PRKN: variants seen among roughly 807,000 people sequenced by gnomAD.
PRKN encodes the protein E3 ubiquitin-protein ligase parkin.
In PRKN, 56 loss-of-function variants were observed where a neutral mutation model predicts 59.5. The observed-to-expected ratio is 0.94, with a 90% confidence interval of 0.76 to 1.18. PRKN has a LOEUF of 1.18. Ranked by LOEUF, PRKN falls within the 50% of genes most tolerant of loss-of-function variation. PRKN has a pLI of 0.00. For missense variants in PRKN, 657 were observed against 596.4 expected, an observed-to-expected ratio of 1.10 and a Z score of -1.06; for synonymous variants, 250 against 222.1, an observed-to-expected ratio of 1.13 and a Z score of -1.12.
At chr6:162,071,896 C>A (rs920425095) in intron 4 of PRKN, among the ~76,000 whole-genome samples, 1 of 152,094 alleles carries the variant, frequency 6.6e-6, no homozygotes, top group East Asian at 1.9e-4. Flanking sequence ...CGCACCCAAC[C>A]TATTTTACTT....
At chr6:162,218,636 T>A (rs572208998) in intron 3 of PRKN, among the ~76,000 whole-genome samples, 44 of 152,224 alleles carry the variant, frequency 2.9e-4, no homozygotes, top group African/African-American at 1.0e-3. Flanking sequence ...TTCATGAGAC[T>A]AAGGTATCAG....
intron 7 of PRKN, among the ~76,000 whole-genome samples, chr6:161,601,887 T>C (rs962631621): frequency 1.3e-5 from 2 of 152,174 alleles, no homozygotes; most frequent in African/African-American, 4.8e-5. Context: ...CGGCATATAG[T>C]GGATTTTAAG....
intron 6 of PRKN, among the ~76,000 whole-genome samples, chr6:161,873,455 G>A (rs1195114859): frequency 6.6e-6 from 1 of 151,900 alleles, no homozygotes; most frequent in Non-Finnish European, 1.5e-5. Flanking sequence ...TTTTCCTGAC[G>A]GGAACTAAAT....
intron 1 of PRKN, among the ~76,000 whole-genome samples, chr6:162,684,441 A>T (rs1779890046): frequency 6.6e-6 from 1 of 152,128 alleles, no homozygotes; most frequent in African/African-American, 2.4e-5. Context: ...TAGAGGTGGG[A>T]ATTTTATCAC....
chr6:162,338,039 G>C (rs1783928620), intron 2 of PRKN, among the ~76,000 whole-genome samples: 1 of 151,966 alleles, frequency 6.6e-6, no homozygotes, highest in African/African-American at 2.4e-5. Flanking sequence ...GATAAGTTTG[G>C]AACATGCATA....
intron 9 of PRKN, among the ~76,000 whole-genome samples, chr6:161,408,255 TA>T (rs1787366475): frequency 1.4e-5 from 2 of 147,816 alleles, no homozygotes; most frequent in African/African-American, 5.0e-5. Flanking sequence ...TGGTCATCAT[TA>T]AACATGGCGT....
Position 162,720,730 on chromosome 6 carries a change from G to A in PRKN, c.7+6932C>T, listed in dbSNP as rs187457333. On this transcript the variant is annotated intron_variant, in intron 1 of 11. Coordinates refer to ENST00000366898, the MANE Select transcript of PRKN (RefSeq NM_004562.3). ...CTCCCAAGGTGCTGGGATTACAGGC[G>A]TGAGCCACCGCGCCCGGCCCATAGA... 5.1e-3 allele frequency among the ~76,000 whole-genome samples: 769 copies of A among 152,180 alleles called. 10 individuals carry two copies. Among genetic ancestry groups the A allele is most frequent in the African/African-American group, 0.017 (709 of 41,542 alleles).
intron 1 of PRKN, among the ~76,000 whole-genome samples, chr6:162,536,158 A>G (rs893227778): frequency 3.3e-5 from 5 of 152,160 alleles, no homozygotes; most frequent in African/African-American, 1.2e-4. Context: ...AAATGGTTTC[A>G]GCCTATTTCC....
chr6:162,205,647 TA>T (rs1404061612), intron 3 of PRKN, among the ~76,000 whole-genome samples: 2 of 152,146 alleles, frequency 1.3e-5, no homozygotes, highest in Non-Finnish European at 2.9e-5. Context: ...TCACATGAGC[TA>T]TTAAAATATT....
intron 5 of PRKN, among the ~76,000 whole-genome samples, chr6:162,021,753 G>A (rs966493663): frequency 2.0e-5 from 3 of 151,964 alleles, no homozygotes; most frequent in Non-Finnish European, 2.9e-5. Context: ...TGGGTATATC[G>A]TGTGATGTTG....
intron 4 of PRKN, among the ~76,000 whole-genome samples, chr6:162,198,786 C>A (rs1471926870): frequency 6.6e-6 from 1 of 152,000 alleles, no homozygotes; most frequent in Non-Finnish European, 1.5e-5. Flanking sequence ...CACCTCTCAG[C>A]CAAGCCTTAC....
In PRKN at chr6:161,353,155, G is replaced by A. The variant is rs534530813; in HGVS notation, c.1286-2944C>T. Among the ~76,000 whole-genome samples the A allele has an allele frequency of 6.6e-6, 1 of 152,150 alleles. No individual in the cohort carries two copies. Among genetic ancestry groups the A allele is most frequent in the South Asian group, 2.1e-4 (1 of 4,822 alleles). On this transcript the variant is annotated intron_variant, in intron 11 of 11. Transcript: ENST00000366898. This position sits in a 1 kb window ranked among gnomAD's most constrained non-coding sequence, Gnocchi z 4.8. Reference sequence around the variant, plus strand: ...GTTACAGTCTTTTGTCATAATGTTGGGGCAATTCAGGCCTCAGAAACAGGC... The same window carrying A: ...GTTACAGTCTTTTGTCATAATGTTGAGGCAATTCAGGCCTCAGAAACAGGC...
chr6:161,780,260 A>C (rs10945778), intron 7 of PRKN, among the ~76,000 whole-genome samples: 68,779 of 152,052 alleles, frequency 0.45, 16,242 homozygotes, highest in African/African-American at 0.58. Flanking sequence ...CCGTATATAA[A>C]CCAGGATTTG....
chr6:162,499,772 CA>C (rs1309638306), intron 1 of PRKN, among the ~76,000 whole-genome samples: 12 of 152,110 alleles, frequency 7.9e-5, no homozygotes, highest in Non-Finnish European at 7.4e-5. Flanking sequence ...TTACAGTTGG[CA>C]CTTAAAAACA....
intron 3 of PRKN, among the ~76,000 whole-genome samples, chr6:162,259,190 T>C (rs1419926160): frequency 1.3e-5 from 2 of 152,210 alleles, no homozygotes; most frequent in African/African-American, 4.8e-5. Flanking sequence ...GTTTAATATG[T>C]GAAGTACGTA....
chr6:161,802,236 G>A (rs1422689431), intron 6 of PRKN, among the ~76,000 whole-genome samples: 2 of 151,948 alleles, frequency 1.3e-5, no homozygotes, highest in African/African-American at 4.8e-5. Context: ...GGCTCCCCCT[G>A]GTCATTCAGA....
intron 1 of PRKN, among the ~76,000 whole-genome samples, chr6:162,469,491 T>TCA: frequency 1.6e-5 from 2 of 127,930 alleles, no homozygotes; most frequent in Non-Finnish European, 3.3e-5. Context: ...GAAACTGTGG[T>TCA]ATGTGTGTGT....
intron 4 of PRKN, among the ~76,000 whole-genome samples, chr6:162,062,798 C>T (rs1327143601): frequency 6.6e-6 from 1 of 152,150 alleles, no homozygotes; most frequent in African/African-American, 2.4e-5. Context: ...TGGAAATGTT[C>T]TTTATCATGA....
intron 7 of PRKN, among the ~76,000 whole-genome samples, chr6:161,760,611 T>G (rs1328369962): frequency 5.3e-5 from 8 of 151,996 alleles, no homozygotes; most frequent in African/African-American, 1.9e-4. Context: ...TTCCCCCTTT[T>G]CTTCCTTTTC....
Sources: gnomAD v4.1 joint callset for allele counts (sites outside exome capture counted in the v4.1 genomes callset) on GRCh38, gnomAD v4.1.1 for gene constraint, Gnocchi (gnomAD v3.1) non-coding constraint, MANE v1.5 for transcripts, NCBI Gene and HGNC (gene_info 2026-07-23, HGNC 2026-07-21) for gene names.